PTPRG: variants seen among roughly 807,000 people sequenced by gnomAD.
PTPRG encodes protein tyrosine phosphatase receptor type G.
PTPRG carries 102 observed loss-of-function variants against 165.3 expected under a neutral mutation model. The observed-to-expected ratio is 0.62, with a 90% confidence interval of 0.53 to 0.73. The LOEUF (loss-of-function observed/expected upper bound fraction) is 0.73. Among genes scored for constraint, PTPRG ranks in the 30% least tolerant of loss-of-function variants. The pLI, the probability that PTPRG is intolerant of heterozygous loss-of-function variation, is 0.00. For synonymous variants in PTPRG, 675 were observed against 669.5 expected (o/e 1.01, Z -0.13); for missense variants, 1,866 against 1,861.4 (o/e 1.00, Z -0.05).
At chr3:61,797,681 A>C (rs1198013399) in intron 2 of PTPRG, among the ~76,000 whole-genome samples, 4 of 148,280 alleles carry the variant, frequency 2.7e-5, no homozygotes. Flanking sequence ...ACTGATTACC[A>C]GTAGCTCATG....
In PTPRG at chr3:61,932,526, G is replaced by T. The variant is rs10452045; in HGVS notation, c.191-57099G>T. The stretch of plus-strand genomic sequence containing the variant: ...GGTCGAATATAAAAACCTCTAATAC[G>T]GTCACTTGCTGAGTTCTTACTGTGT... On this transcript the variant is annotated intron_variant, in intron 2 of 29. Transcript: ENST00000474889. Among the ~76,000 whole-genome samples the T allele has an allele frequency of 2.6e-5, 4 of 152,190 alleles. 1 individual carries two copies. Among genetic ancestry groups the T allele is most frequent in the African/African-American group, 9.6e-5 (4 of 41,532 alleles).
intron 2 of PTPRG, among the ~76,000 whole-genome samples, chr3:61,988,147 G>C (rs1486999934): frequency 1.3e-5 from 2 of 152,128 alleles, no homozygotes; most frequent in African/African-American, 4.8e-5. Context: ...CATTTGGATA[G>C]TCTGTTTTTA....
chr3:61,682,179 A>T (rs1356606079), intron 1 of PTPRG, among the ~76,000 whole-genome samples: 1 of 147,792 alleles, frequency 6.8e-6, no homozygotes, highest in Non-Finnish European at 1.5e-5. Context: ...TGAACTGGTA[A>T]TGAGAAATGA....
chr3:62,215,017 G>A (rs1280974340), intron 12 of PTPRG, among the ~76,000 whole-genome samples: 1 of 152,174 alleles, frequency 6.6e-6, no homozygotes, highest in Non-Finnish European at 1.5e-5. Context: ...GGAATGGGAG[G>A]GGCAAAGGCA....
intron 8 of PTPRG, among the ~76,000 whole-genome samples, chr3:62,170,788 A>G (rs1182387183): frequency 1.3e-5 from 2 of 152,110 alleles, no homozygotes; most frequent in Non-Finnish European, 2.9e-5. Context: ...TGTTTAACTT[A>G]TTATTGGAGA....
intron 1 of PTPRG, among the ~76,000 whole-genome samples, chr3:61,603,844 C>G (rs565655850): frequency 3.3e-5 from 5 of 152,160 alleles, no homozygotes; most frequent in Non-Finnish European, 7.4e-5. Context: ...GCTCATCCTA[C>G]CATCAGTGTC....
chr3:61,922,844 T>C (rs1263856957), intron 2 of PTPRG, among the ~76,000 whole-genome samples: 1 of 152,228 alleles, frequency 6.6e-6, no homozygotes, highest in Non-Finnish European at 1.5e-5. Flanking sequence ...TTTAGCCATG[T>C]TGCCGAGGCT....
At chr3:61,887,523 C>T (rs1371826329) in intron 2 of PTPRG, among the ~76,000 whole-genome samples, 1 of 152,088 alleles carries the variant, frequency 6.6e-6, no homozygotes, top group African/African-American at 2.4e-5. Flanking sequence ...CAAATGCAGA[C>T]ACACACCAGA....
At chr3:62,017,638 A>G (rs1188938161) in intron 4 of PTPRG, among the ~76,000 whole-genome samples, 1 of 147,426 alleles carries the variant, frequency 6.8e-6, no homozygotes, top group Non-Finnish European at 1.5e-5. Flanking sequence ...GTTAGCCAGG[A>G]TGGTCTCGAT....
chr3:61,963,936 G>A (rs2040212976), intron 2 of PTPRG, among the ~76,000 whole-genome samples: 1 of 152,122 alleles, frequency 6.6e-6, no homozygotes, highest in Non-Finnish European at 1.5e-5. Flanking sequence ...TTTGGTATCT[G>A]TATTCTAAAC....
chr3:61,646,253 C>T (rs1702198973), intron 1 of PTPRG, among the ~76,000 whole-genome samples: 1 of 152,050 alleles, frequency 6.6e-6, no homozygotes, highest in Non-Finnish European at 1.5e-5. Context: ...CCATGGGTCC[C>T]ACCACGCCAC....
chr3:62,162,468 A>G (rs920371321), intron 7 of PTPRG, among the ~76,000 whole-genome samples: 15 of 152,234 alleles, frequency 9.9e-5, no homozygotes, highest in Admixed American at 6.5e-4. Context: ...ATTAAAGTCA[A>G]GATAAATCCA....
intron 1 of PTPRG, among the ~76,000 whole-genome samples, chr3:61,625,541 C>G (rs1701584624): frequency 6.6e-6 from 1 of 152,088 alleles, no homozygotes; most frequent in Non-Finnish European, 1.5e-5. Flanking sequence ...TGAGTATTCA[C>G]TTGGGTGTGT....
intron 4 of PTPRG, among the ~76,000 whole-genome samples, chr3:62,014,642 T>TGGAGTGAGAGAAACCTC (rs1197820977): frequency 1.5e-4 from 23 of 152,316 alleles, no homozygotes; most frequent in South Asian, 1.0e-3. Context: ...AGGGAAGACT[T>TGGAGTGAGAGAAACCTC]GGAGTGAGAG....
At chr3:62,033,795 T>A (rs1237236488) in intron 4 of PTPRG, among the ~76,000 whole-genome samples, 1 of 151,952 alleles carries the variant, frequency 6.6e-6, no homozygotes, top group African/African-American at 2.4e-5. Flanking sequence ...TGAGACGGAG[T>A]CTCACTCTGT....
At chr3:61,916,964 A>G (rs2038953551) in intron 2 of PTPRG, among the ~76,000 whole-genome samples, 1 of 152,204 alleles carries the variant, frequency 6.6e-6, no homozygotes, top group Non-Finnish European at 1.5e-5. Context: ...AATGATGCCC[A>G]TTCTTGTGGA....
chr3:61,896,946 GT>G lies in PTPRG; in HGVS notation c.191-92669del, dbSNP rs34782719. ...CCTTCTTACTATTAAATTTTGAGAG[GT>G]TTTTTTTTTAATATATTCTGAATAC... On this transcript the variant is annotated intron_variant, in intron 2 of 29. Coordinates refer to ENST00000474889, the MANE Select transcript of PTPRG (RefSeq NM_002841.4). Among the ~76,000 whole-genome samples the G allele has an allele frequency of 7.9e-3, 1,164 of 147,932 alleles. 11 individuals are homozygous for G. Among genetic ancestry groups the G allele is most frequent in the African/African-American group, 0.026 (1,060 of 40,386 alleles).
chr3:62,278,481 T>A (rs1702313785), intron 26 of PTPRG, among the ~76,000 whole-genome samples: 2 of 152,104 alleles, frequency 1.3e-5, no homozygotes. Flanking sequence ...TTGTGGATAC[T>A]TAAGTTTCGG....
intron 2 of PTPRG, among the ~76,000 whole-genome samples, chr3:61,855,128 C>A (rs910287349): frequency 8.5e-5 from 13 of 152,148 alleles, no homozygotes; most frequent in Non-Finnish European, 1.9e-4. Flanking sequence ...TGTTCCCAGC[C>A]TTGTACTTAG....
Sources: allele counts gnomAD v4.1 joint callset (sites outside exome capture counted in the v4.1 genomes callset), GRCh38; gene constraint gnomAD v4.1.1; transcripts MANE v1.5; gene names NCBI Gene and HGNC (gene_info 2026-07-23, HGNC 2026-07-21).